CCNG2: variants seen among roughly 807,000 people sequenced by gnomAD.
CCNG2 encodes cyclin G2.
Under a neutral mutation model 36.5 loss-of-function variants are expected in CCNG2, and 20 were observed. The ratio of observed to expected loss-of-function variants is 0.55; its 90% CI spans 0.39 to 0.80. The LOEUF is 0.80. Ranked by LOEUF, CCNG2 falls within the 30% of genes least tolerant of loss-of-function variation. The probability of loss-of-function intolerance (pLI) is 0.00; values close to 1 mark genes in which losing one functional copy is unlikely to be tolerated. For synonymous variants in CCNG2, 155 were observed against 140.1 expected, an observed-to-expected ratio of 1.11 and a Z score of -0.75; for missense variants, 358 against 390.8, an observed-to-expected ratio of 0.92 and a Z score of 0.71.
chr4:77,158,242 C>T (rs534093560), intron 1 of CCNG2: 74 of 392,744 alleles, frequency 1.9e-4, no homozygotes, highest in African/African-American at 1.5e-3. Context: ...CGAGGGGACG[C>T]CGGCGCCCGC....
intron 3 of CCNG2, 65 bp from the exon 4 acceptor site, chr4:77,160,656 A>G: frequency 2.0e-6 from 3 of 1,503,396 alleles, no homozygotes; most frequent in Non-Finnish European, 2.7e-6. Flanking sequence ...CATCATTACA[A>G]TATTCTAAGT....
At position 77,166,443 on chromosome 4, in the gene CCNG2, G is replaced by A. The variant is rs1731636309; in HGVS notation, c.*519G>A. 6.6e-6 allele frequency: 1 copy of A among 152,074 alleles called. No individual in the cohort carries two copies. The highest frequency in any genetic ancestry group is 1.5e-5 in the Non-Finnish European group (1 of 68,026). The allele number at this position is 152,074 out of a possible 1,614,324, so 9.4% of individuals were successfully genotyped here. A position where few individuals can be genotyped will look rare whatever the true frequency, so the allele number is the denominator to read the frequency against. On this transcript the variant is annotated 3_prime_UTR_variant, in exon 8 of 8. Transcript: ENST00000316355. ...TTGTTTTGTTTTTTAAATGATCAGT[G>A]TCTATTTGATGTGATGCAGATCTTA...
At chr4:77,162,052 G>A (rs1257671181) in intron 6 of CCNG2, among the ~76,000 whole-genome samples, 2 of 152,088 alleles carry the variant, frequency 1.3e-5, no homozygotes, top group Admixed American at 6.6e-5. Flanking sequence ...TGCATACTAG[G>A]TAGTAGACTC....
At chr4:77,165,515 C>T (rs1327836271) in intron 7 of CCNG2, among the ~76,000 whole-genome samples, 1 of 151,644 alleles carries the variant, frequency 6.6e-6, no homozygotes, top group Non-Finnish European at 1.5e-5. Context: ...CCATGTTGCC[C>T]AGGCTAGTCT....
chr4:77,160,632 C>G lies in CCNG2; in HGVS notation c.277-89C>G, dbSNP rs1450629230. ...GAGAAACAACTTGATTGTGTTCTGT[C>G]TTAAGAATAGGAGCATCATTACAAT... On this transcript the variant is annotated intron_variant, in intron 3 of 7. Transcript: ENST00000316355. 11 of 1,296,802 alleles carry G rather than the reference C, an allele frequency of 8.5e-6. No homozygotes were observed. The Admixed American group carries it at 1.5e-4, about 17-fold the overall frequency. The allele number at this position is 1,296,802 out of a possible 1,614,324, so 80.3% of individuals were successfully genotyped here.
intron 6 of CCNG2, among the ~76,000 whole-genome samples, chr4:77,163,543 G>C (rs950966943): frequency 7.9e-5 from 12 of 152,164 alleles, no homozygotes; most frequent in African/African-American, 2.9e-4. Context: ...GTTTGTAACA[G>C]ATAACTTTTT....
In CCNG2 at chr4:77,165,891, C is replaced by T. The variant is rs1304547016; in HGVS notation, c.1002C>T (p.Phe334=). 6.2e-7 allele frequency: 1 copy of T among 1,610,918 alleles called. No homozygotes were observed. The highest frequency in any genetic ancestry group is 1.1e-5 in the South Asian group (1 of 90,468). The change falls in exon 8 of 8, where the codon TTC becomes TTT. Residue 334 remains phenylalanine (F), a synonymous_variant. Transcript: ENST00000316355. ...AAGAGTGCACCTTCTTTTTCAACTTCAAAGTGGCACAAACACTGTGCTTTC... is the reference window on the plus strand; with the variant it reads ...AAGAGTGCACCTTCTTTTTCAACTTTAAAGTGGCACAAACACTGTGCTTTC... ...SDQECTFFFN[F]KVAQTLCFPS
In CCNG2 at chr4:77,158,646, G is replaced by A. The variant is rs755836994; in HGVS notation, c.114G>A (p.Leu38=). ...EERFQPREKG[L]SLIEATPEND... The stretch of plus-strand genomic sequence containing the variant: ...GATTCCAACCTCGAGAAAAAGGGCT[G>A]AGTTTGATTGAGGCTACCCCGGAGG... Residue 38 remains leucine, a synonymous_variant, in exon 2 of 8, where the codon CTG becomes CTA. Coordinates refer to ENST00000316355, the MANE Select transcript of CCNG2 (RefSeq NM_004354.3). The A allele has an allele frequency of 2.6e-5, 42 of 1,614,056 alleles. No homozygotes were observed.
Position 77,169,836 on chromosome 4 carries a change from A to T in CCNG2, c.*3912A>T, listed in dbSNP as rs1731722498. On this transcript the variant is annotated 3_prime_UTR_variant, in exon 8 of 8. Coordinates refer to ENST00000316355, the MANE Select transcript of CCNG2 (RefSeq NM_004354.3). ...ATCAACCCACAGACTCACTAGAAAT[A>T]ACAAATTATTGTTTTAAGCCACGAG... The T allele has an allele frequency of 6.6e-6, 1 of 152,234 alleles. No homozygotes were observed. Among genetic ancestry groups the T allele is most frequent in the African/African-American group, 2.4e-5 (1 of 41,464 alleles). The allele number at this position is 152,234 out of a possible 1,614,324, so 9.4% of individuals were successfully genotyped here.
At chr4:77,164,191 T>C in intron 6 of CCNG2, 83 bp from the exon 7 acceptor site, 1 of 938,664 alleles carries the variant, frequency 1.1e-6, no homozygotes, top group East Asian at 2.5e-5. Flanking sequence ...ATATATATAT[T>C]TTTCATAGCT....
Position 77,169,375 on chromosome 4 carries a change from C to G in CCNG2, c.*3451C>G, listed in dbSNP as rs1019323009. 3.0e-4 allele frequency: 45 copies of G among 152,104 alleles called. No homozygotes were observed. Among genetic ancestry groups the G allele is most frequent in the Admixed American group, 2.9e-3 (45 of 15,272 alleles). The allele number at this position is 152,104 out of a possible 1,614,324, so 9.4% of individuals were successfully genotyped here. On this transcript the variant is annotated 3_prime_UTR_variant, in exon 8 of 8. Transcript: ENST00000316355. The stretch of plus-strand genomic sequence containing the variant: ...TTCAGTTTTCCTAACTATTTACTAC[C>G]AGAAATGGTCAATAACTTACTTTGT...
chr4:77,168,334 A>C lies in CCNG2; in HGVS notation c.*2410A>C, dbSNP rs1403373134. On this transcript the variant is annotated 3_prime_UTR_variant, in exon 8 of 8. Coordinates refer to ENST00000316355, the MANE Select transcript of CCNG2 (RefSeq NM_004354.3). ...GTTTAGACCTGTACTCTTTATCAGC[A>C]GAGGTACTGTAATATATTTGTGATC... 1 of 152,206 alleles carries C rather than the reference A, an allele frequency of 6.6e-6. No homozygotes were observed. The highest frequency in any genetic ancestry group is 1.5e-5 in the Non-Finnish European group (1 of 68,054). The allele number at this position is 152,206 out of a possible 1,614,324, so 9.4% of individuals were successfully genotyped here.
In CCNG2 at chr4:77,168,324, C is replaced by CT. The variant is rs1553895213; in HGVS notation, c.*2403dup. Reference sequence around the variant, plus strand: ...CATTGGCATGGTTTAGACCTGTACTCTTTATCAGCAGAGGTACTGTAATAT... The same window carrying CT: ...CATTGGCATGGTTTAGACCTGTACTCTTTTATCAGCAGAGGTACTGTAATAT... On this transcript the variant is annotated 3_prime_UTR_variant, in exon 8 of 8. Coordinates refer to ENST00000316355, the MANE Select transcript of CCNG2 (RefSeq NM_004354.3). The CT allele has an allele frequency of 6.6e-6, 1 of 152,224 alleles. No individual in the cohort carries two copies. Among genetic ancestry groups the CT allele is most frequent in the Admixed American group, 6.5e-5 (1 of 15,284 alleles). 9.4% of individuals were successfully genotyped at this position (152,224 alleles called of 1,614,324 possible). A position where few individuals can be genotyped will look rare whatever the true frequency, so the allele number is the denominator to read the frequency against.
At chr4:77,161,970 G>T (rs1416285865) in intron 6 of CCNG2, among the ~76,000 whole-genome samples, 1 of 152,076 alleles carries the variant, frequency 6.6e-6, no homozygotes, top group Non-Finnish European at 1.5e-5. Flanking sequence ...CTGCATATAG[G>T]TGCCCCTTCT....
intron 1 of CCNG2, among the ~76,000 whole-genome samples, chr4:77,157,965 T>G (rs1336946328): frequency 6.6e-6 from 1 of 151,736 alleles, no homozygotes; most frequent in African/African-American, 2.4e-5. Context: ...GGTATCCGCC[T>G]CTCGGGTAAG....
chr4:77,158,982 C>T (rs940497231), intron 2 of CCNG2, among the ~76,000 whole-genome samples: 1 of 152,216 alleles, frequency 6.6e-6, no homozygotes, highest in Admixed American at 6.5e-5. Flanking sequence ...TGTGCAAACA[C>T]CCTCTGCCTG....
chr4:77,161,625 T>C, intron 5 of CCNG2, 24 bp from the exon 6 acceptor site: 2 of 1,565,440 alleles, frequency 1.3e-6, no homozygotes, highest in South Asian at 1.2e-5. Flanking sequence ...AAAATATTTT[T>C]CTTTTTTTTC....
rs151216176 is a variant in CCNG2, at chr4:77,161,530, A to G, written c.578A>G (p.Asn193Ser). The change falls in exon 5 of 8, where the codon AAC becomes AGC. Residue 193 changes from asparagine to serine, a missense_variant. By Grantham distance (46) the Asn-to-Ser change is conservative (BLOSUM62 1). Transcript: ENST00000316355. ...DKLEAQLKAC[N>S]CRLIFSKAKP... ...CTAGAAGCTCAGCTGAAAGCTTGCA[A>G]CTGCCGACTCATCTTTTCAAAAGCA... is the stretch of plus-strand genomic sequence containing the variant. The G allele has an allele frequency of 5.1e-5, 82 of 1,612,320 alleles. No individual in the cohort carries two copies. In the African/African-American group the frequency reaches 9.1e-4, roughly 18 times the overall value.
Position 77,160,789 on chromosome 4 carries a change from A to G in CCNG2, c.345A>G (p.Glu115=). The change falls in exon 4 of 8, where the codon GAA becomes GAG. Residue 115 remains glutamate, a synonymous_variant. Coordinates refer to ENST00000316355, the MANE Select transcript of CCNG2 (RefSeq NM_004354.3). The stretch of plus-strand genomic sequence containing the variant: ...TGCTGGCTGCTAGAATAGTTGAAGA[A>G]GACTGCAATATTCCATCCACTCATG... ...SFLLAARIVE[E]DCNIPSTHDV... 6.2e-7 allele frequency: 1 copy of G among 1,613,930 alleles called. No homozygotes were observed. The highest frequency in any genetic ancestry group is 8.5e-7 in the Non-Finnish European group (1 of 1,179,864).
Sources: gnomAD v4.1 joint callset for allele counts (sites outside exome capture counted in the v4.1 genomes callset) on GRCh38, gnomAD v4.1.1 for gene constraint, MANE v1.5 for transcripts, NCBI Gene and HGNC (gene_info 2026-07-23, HGNC 2026-07-21) for gene names.